HTR1F: variants seen among roughly 807,000 people sequenced by gnomAD.
HTR1F encodes 5-hydroxytryptamine (serotonin) receptor 1F, G protein-coupled.
In HTR1F, 17 loss-of-function variants were observed where a neutral mutation model predicts 24.0. The observed-to-expected ratio is 0.71, with a 90% CI of 0.48 to 1.06. The LOEUF is 1.06. Among genes scored for constraint, HTR1F ranks in the 50% least tolerant of loss-of-function variants. The probability of loss-of-function intolerance (pLI) is 0.00; values close to 1 mark genes in which losing one functional copy is unlikely to be tolerated. For missense variants in HTR1F, 391 were observed against 427.8 expected (o/e 0.91, Z 0.76); for synonymous variants, 186 against 156.8 (o/e 1.19, Z -1.39).
intron 2 of HTR1F, among the ~76,000 whole-genome samples, chr3:87,823,207 T>C (rs1411219241): frequency 6.6e-6 from 1 of 152,208 alleles, no homozygotes; most frequent in African/African-American, 2.4e-5. Flanking sequence ...ATGTACTGTC[T>C]ATTGCAAATT....
intron 2 of HTR1F, among the ~76,000 whole-genome samples, chr3:87,940,958 C>T (rs1463976514): frequency 6.6e-6 from 1 of 152,334 alleles, no homozygotes; most frequent in East Asian, 1.9e-4. Context: ...GCCGCCACTA[C>T]CTGTAAACAA....
At chr3:87,922,712 T>C (rs1341113156) in intron 2 of HTR1F, among the ~76,000 whole-genome samples, 4 of 151,946 alleles carry the variant, frequency 2.6e-5, no homozygotes, top group African/African-American at 9.7e-5. Context: ...TAGGGAGAGA[T>C]GGGGTGTAGT....
intron 1 of HTR1F, among the ~76,000 whole-genome samples, chr3:87,796,382 C>A (rs960125865): frequency 2.6e-5 from 4 of 151,800 alleles, no homozygotes; most frequent in Non-Finnish European, 5.9e-5. Flanking sequence ...TAGGTGCAGG[C>A]ATAACGGGTA....
Position 87,991,813 on chromosome 3 carries a change from A to G in HTR1F, c.1064A>G (p.Lys355Arg). The G allele has an allele frequency of 6.3e-7, 1 of 1,590,710 alleles. No individual in the cohort carries two copies. The highest frequency in any genetic ancestry group is 8.6e-7 in the Non-Finnish European group (1 of 1,169,488). Residue 355 changes from lysine to arginine, a missense_variant, in exon 3 of 3, where the codon AAG (lysine) becomes AGG (arginine). Physicochemically the swap from Lys to Arg is conservative, Grantham distance 26. Transcript: ENST00000319595. ...TACACAATCTTTAATGAAGACTTCAAGAAAGCATTCCAAAAGCTTGTGCGA... is the reference window on the plus strand; with the variant it reads ...TACACAATCTTTAATGAAGACTTCAGGAAAGCATTCCAAAAGCTTGTGCGA... ...LIYTIFNEDF[K>R]KAFQKLVRCR...
At chr3:87,814,052 T>C (rs944541401) in intron 1 of HTR1F, among the ~76,000 whole-genome samples, 12 of 152,180 alleles carry the variant, frequency 7.9e-5, no homozygotes, top group Admixed American at 1.3e-4. Flanking sequence ...CTAGGCTATA[T>C]AAGGCTATAT....
chr3:87,938,458 C>A (rs936168573), intron 2 of HTR1F, among the ~76,000 whole-genome samples: 1 of 152,024 alleles, frequency 6.6e-6, no homozygotes, highest in Non-Finnish European at 1.5e-5. Context: ...CATATGGAGC[C>A]TAAAAAGCAC....
intron 2 of HTR1F, among the ~76,000 whole-genome samples, chr3:87,886,225 A>G (rs1304145401): frequency 6.6e-6 from 1 of 152,178 alleles, no homozygotes; most frequent in Non-Finnish European, 1.5e-5. Context: ...CATAAACAGA[A>G]CCAAGGACAA....
Position 87,932,729 on chromosome 3 carries a change from A to G in HTR1F, c.-42-57979A>G, listed in dbSNP as rs564649338. On this transcript the variant is annotated intron_variant, in intron 2 of 2. Transcript: ENST00000319595. ...ATAATCAATAGCTTACCAACCAAAA[A>G]GAGTCCAGGACCAGATGGACTCACA... Among the ~76,000 whole-genome samples, 3 of 151,850 alleles carry G rather than the reference A, an allele frequency of 2.0e-5. No homozygotes were observed. The East Asian group carries it at 5.8e-4, about 29-fold the overall frequency.
chr3:87,853,227 C>T (rs1415634520), intron 2 of HTR1F, among the ~76,000 whole-genome samples: 2 of 151,980 alleles, frequency 1.3e-5, no homozygotes, highest in African/African-American at 4.8e-5. Flanking sequence ...CCACTCCCAC[C>T]CTCCACCCTC....
chr3:87,914,236 C>A (rs559043683), intron 2 of HTR1F, among the ~76,000 whole-genome samples: 1 of 152,254 alleles, frequency 6.6e-6, no homozygotes, highest in East Asian at 1.9e-4. Context: ...TTTGCCTGAT[C>A]TCAGAGAAGA....
At chr3:87,987,658 A>ATGTATTATATATATATATTTTATATATAT (rs1559660057) in intron 2 of HTR1F, among the ~76,000 whole-genome samples, 9 of 94,518 alleles carry the variant, frequency 9.5e-5, no homozygotes, top group Admixed American at 2.5e-4. Context: ...ATATATATAT[A>ATGTATTATATATATATATTTTATATATAT]AAAATATATG....
At chr3:87,941,431 C>T (rs1553680317) in intron 2 of HTR1F, among the ~76,000 whole-genome samples, 1 of 152,088 alleles carries the variant, frequency 6.6e-6, no homozygotes, top group Non-Finnish European at 1.5e-5. Flanking sequence ...CAGAGCTGAG[C>T]CTTTGGTTTG....
intron 2 of HTR1F, among the ~76,000 whole-genome samples, chr3:87,875,691 G>A (rs369672622): frequency 1.3e-5 from 2 of 151,906 alleles, no homozygotes; most frequent in South Asian, 2.1e-4. Context: ...TTGGGAGGCC[G>A]AGGCGGGCAG....
chr3:87,891,802 A>C (rs1195425617), intron 2 of HTR1F, among the ~76,000 whole-genome samples: 1 of 152,188 alleles, frequency 6.6e-6, no homozygotes, highest in Non-Finnish European at 1.5e-5. Context: ...CTTGTATGTC[A>C]CATTCTTTAT....
At chr3:87,919,003 G>A (rs1159733301) in intron 2 of HTR1F, among the ~76,000 whole-genome samples, 1 of 152,098 alleles carries the variant, frequency 6.6e-6, no homozygotes, top group Non-Finnish European at 1.5e-5. Context: ...CACCAAAACA[G>A]CGTGGTACTG....
At chr3:87,902,095 T>A (rs1215760463) in intron 2 of HTR1F, among the ~76,000 whole-genome samples, 1 of 152,130 alleles carries the variant, frequency 6.6e-6, no homozygotes, top group Non-Finnish European at 1.5e-5. Context: ...GAAATTGGAT[T>A]CTAAAATTTA....
chr3:87,931,886 G>C (rs1441478758), intron 2 of HTR1F, among the ~76,000 whole-genome samples: 1 of 151,098 alleles, frequency 6.6e-6, no homozygotes, highest in Non-Finnish European at 1.5e-5. Context: ...CCCACTTTTT[G>C]ATGGGGTTGT....
At chr3:87,912,073 A>T (rs531785842) in intron 2 of HTR1F, among the ~76,000 whole-genome samples, 1 of 152,122 alleles carries the variant, frequency 6.6e-6, no homozygotes, top group South Asian at 2.1e-4. Flanking sequence ...CAGAGCAATC[A>T]GACAAGAGAA....
chr3:87,888,676 C>G (rs781083554), intron 2 of HTR1F, among the ~76,000 whole-genome samples: 2 of 152,112 alleles, frequency 1.3e-5, no homozygotes, highest in Non-Finnish European at 2.9e-5. Flanking sequence ...AGCATAAGCT[C>G]TGCAATCTCT....
Sources: allele counts gnomAD v4.1 joint callset (sites outside exome capture counted in the v4.1 genomes callset), GRCh38; gene constraint gnomAD v4.1.1; transcripts MANE v1.5; gene names NCBI Gene and HGNC (gene_info 2026-07-23, HGNC 2026-07-21).